The following KHDC1L variants were observed in gnomAD, a reference collection of about 807,000 sequenced individuals.
KHDC1L encodes the protein KHDC1-like protein.
Under a neutral mutation model 11.2 loss-of-function variants are expected in KHDC1L, and 5 were observed. That is an observed-to-expected ratio of 0.45 (90% CI 0.23 to 0.94). The LOEUF (loss-of-function observed/expected upper bound fraction) is 0.94. KHDC1L is among the 40% of genes least tolerant of loss of function. The probability of loss-of-function intolerance (pLI) is 0.22; values close to 1 mark genes in which losing one functional copy is unlikely to be tolerated. For missense variants in KHDC1L, 168 were observed against 165.8 expected, an observed-to-expected ratio of 1.01 and a Z score of -0.07; for synonymous variants, 66 against 62.7, an observed-to-expected ratio of 1.05 and a Z score of -0.25.
intron 1 of KHDC1L, among the ~76,000 whole-genome samples, chr6:73,224,642 G>A (rs772357597): frequency 9.2e-5 from 14 of 151,814 alleles, no homozygotes; most frequent in Admixed American, 6.6e-5. Context: ...CGGGCGTGGT[G>A]GCAGGCGCCT....
chr6:73,225,226 G>T, intron 1 of KHDC1L, 71 bp downstream of exon 1: 1 of 1,385,618 alleles, frequency 7.2e-7, no homozygotes, highest in Non-Finnish European at 9.9e-7. Flanking sequence ...AAGATCACGA[G>T]CGAGAATCTG....
At chr6:73,223,927 G>A in intron 2 of KHDC1L, 88 bp from the exon 3 acceptor site, 5 of 1,186,578 alleles carry the variant, frequency 4.2e-6, no homozygotes, top group Non-Finnish European at 6.1e-6. Context: ...AGGTTCCAGA[G>A]AGGATGTCAC....
At chr6:73,224,019 G>A (rs1193380747) in intron 2 of KHDC1L, 147 bp downstream of exon 2, 2 of 1,066,526 alleles carry the variant, frequency 1.9e-6, no homozygotes, top group African/African-American at 3.2e-5. Context: ...CCACAAAAAT[G>A]AGCCCTTCCC....
rs1243450698 is a variant in KHDC1L, at chr6:73,224,985, A to G, written c.112+312T>C. Among the ~76,000 whole-genome samples the G allele has an allele frequency of 2.1e-5, 3 of 140,474 alleles. No individual in the cohort carries two copies. The East Asian group carries it at 6.7e-4, about 31-fold the overall frequency. The allele number at this position is 140,474 out of a possible 152,430, so 92.2% of individuals were successfully genotyped here. On this transcript the variant is annotated intron_variant, in intron 1 of 2. Transcript: ENST00000370388. The stretch of plus-strand genomic sequence containing the variant: ...GTAGTCCCAGCTGTTCTGGAGGCTG[A>G]GGTGAGAGAATGGCGTGAACCCGGG...
Position 73,223,914 on chromosome 6 carries a change from G to T in KHDC1L, c.296-75C>A, listed in dbSNP as rs1009065145. On this transcript the variant is annotated intron_variant, in intron 2 of 2. Transcript: ENST00000370388. ...CCCTTAGTAGGCCCAGACTCCACCA[G>T]GAAGGTTCCAGAGAGGATGTCACCC... 3.9e-6 allele frequency: 5 copies of T among 1,287,268 alleles called. No homozygotes were observed. The African/African-American group carries it at 5.9e-5, about 15-fold the overall frequency. The allele number at this position is 1,287,268 out of a possible 1,614,324, so 79.7% of individuals were successfully genotyped here.
Position 73,223,753 on chromosome 6 carries a change from C to T in KHDC1L, c.382G>A (p.Asp128Asn), listed in dbSNP as rs142600886. Residue 128 changes from aspartate (D) to asparagine (N), a missense_variant, in exon 3 of 3, where the codon GAC becomes AAC. Asp to Asn is a conservative substitution (Grantham distance 23). Transcript: ENST00000370388. ...TSVSLPPYTG[D>N] is the part of the protein sequence containing the mutation. ...TCCCCTCTTCCCAGGGGAGATCAGT[C>T]TCCGGTGTACGGTGGCAGGCTAACG... is the stretch of plus-strand genomic sequence containing the variant. The T allele has an allele frequency of 1.7e-4, 268 of 1,604,650 alleles. 1 individual carries two copies. The African/African-American group carries it at 3.0e-3, about 18-fold the overall frequency.
Position 73,225,459 on chromosome 6 carries a change from G to A in KHDC1L, c.-51C>T, listed in dbSNP as rs1296236601. On this transcript the variant is annotated 5_prime_UTR_variant, in exon 1 of 3. Transcript: ENST00000370388. ...AGGGGAAAGTCTAACAAACTGGTTG[G>A]CAAAAGACTTGGAAAAGCGAGGAAG... is the stretch of plus-strand genomic sequence containing the variant. 1 of 1,402,228 alleles carries A rather than the reference G, an allele frequency of 7.1e-7. No individual in the cohort carries two copies. Among genetic ancestry groups the A allele is most frequent in the Non-Finnish European group, 1.0e-6 (1 of 991,836 alleles). 86.9% of individuals were successfully genotyped at this position (1,402,228 alleles called of 1,614,324 possible). A position where few individuals can be genotyped will look rare whatever the true frequency, so the allele number is the denominator to read the frequency against.
chr6:73,225,255 A>C, intron 1 of KHDC1L, 42 bp downstream of exon 1: 1 of 1,562,672 alleles, frequency 6.4e-7, no homozygotes, highest in Non-Finnish European at 8.7e-7. Flanking sequence ...AAATAAAAAT[A>C]AAAAACAGAT....
Position 73,224,279 on chromosome 6 carries a change from A to G in KHDC1L, c.182T>C (p.Phe61Ser). ...SHTLIQLERC[F>S]TATGQTRVTV... is the part of the protein sequence containing the mutation. ...CACACGTGTCTGGCCTGTAGCTGTG[A>G]AACACCTCTCCAGCTGAATAAGGGT... Residue 61 changes from phenylalanine to serine, a missense_variant, in exon 2 of 3, where the codon TTC becomes TCC. Transcript: ENST00000370388. 8 of 1,598,130 alleles carry G rather than the reference A, an allele frequency of 5.0e-6. No individual in the cohort carries two copies. The highest frequency in any genetic ancestry group is 6.8e-6 in the Non-Finnish European group (8 of 1,171,772).
intron 1 of KHDC1L, among the ~76,000 whole-genome samples, chr6:73,224,695 G>C (rs1766326939): frequency 6.9e-6 from 1 of 144,984 alleles, no homozygotes; most frequent in Non-Finnish European, 1.5e-5. Context: ...AGAATGGCGT[G>C]AACCCGGGAG....
In KHDC1L at chr6:73,224,308, G is replaced by T; in HGVS notation, c.153C>A (p.Ser51Arg). 6.3e-7 allele frequency: 1 copy of T among 1,598,170 alleles called. No individual in the cohort carries two copies. The highest frequency in any genetic ancestry group is 8.5e-7 in the Non-Finnish European group (1 of 1,171,770). ...ACCTCTCCAGCTGAATAAGGGTGTGGCTGTGCAGCTCAATGCAGCGAAGGT... is the reference window on the plus strand; with the variant it reads ...ACCTCTCCAGCTGAATAAGGGTGTGTCTGTGCAGCTCAATGCAGCGAAGGT... Reference protein sequence around the residue: ...DTYLRCIELHSHTLIQLERCF... With the variant: ...DTYLRCIELHRHTLIQLERCF... The change falls in exon 2 of 3, where the codon AGC becomes AGA. Residue 51 changes from serine (S) to arginine (R), a missense_variant. Coordinates refer to ENST00000370388, the MANE Select transcript of KHDC1L (RefSeq NM_001126063.3).
In KHDC1L at chr6:73,224,343, C is replaced by A; in HGVS notation, c.118G>T (p.Asp40Tyr). ...EDQEELIFGL[D>Y]DTYLRCIELH... ...TCAATGCAGCGAAGGTACGTGTCAT[C>A]AAGTCCTGTAAGCACAAGAAGTGAG... The change falls in exon 2 of 3, where the codon GAT (aspartate) becomes TAT (tyrosine). Residue 40 changes from aspartate to tyrosine, a missense_variant. Coordinates refer to ENST00000370388, the MANE Select transcript of KHDC1L (RefSeq NM_001126063.3). 1 of 1,570,162 alleles carries A rather than the reference C, an allele frequency of 6.4e-7. No homozygotes were observed. Among genetic ancestry groups the A allele is most frequent in the Non-Finnish European group, 8.6e-7 (1 of 1,156,070 alleles).
At chr6:73,224,821 C>T (rs1394316756) in intron 1 of KHDC1L, among the ~76,000 whole-genome samples, 1 of 147,132 alleles carries the variant, frequency 6.8e-6, no homozygotes, top group Non-Finnish European at 1.5e-5. Flanking sequence ...GTGGCTCACA[C>T]TTGTATTCCC....
chr6:73,223,560 C>G lies in KHDC1L; in HGVS notation c.*188G>C, dbSNP rs1183958689. 1.8e-6 allele frequency: 1 copy of G among 555,896 alleles called. No individual in the cohort carries two copies. Among genetic ancestry groups the G allele is most frequent in the Admixed American group, 3.1e-5 (1 of 32,496 alleles). 34.4% of individuals were successfully genotyped at this position (555,896 alleles called of 1,614,324 possible). On this transcript the variant is annotated 3_prime_UTR_variant, in exon 3 of 3. Coordinates refer to ENST00000370388, the MANE Select transcript of KHDC1L (RefSeq NM_001126063.3). ...ATCGAAGGCTTTGCATCATAGGTAGCTTATTTTATTGGATTGCTTTGCCAA... is the reference window on the plus strand; with the variant it reads ...ATCGAAGGCTTTGCATCATAGGTAGGTTATTTTATTGGATTGCTTTGCCAA...
chr6:73,224,639 G>A (rs1017466518), intron 1 of KHDC1L, among the ~76,000 whole-genome samples: 1 of 151,870 alleles, frequency 6.6e-6, no homozygotes. Flanking sequence ...AGCCGGGCGT[G>A]GTGGCAGGCG....
chr6:73,224,047 G>C, intron 2 of KHDC1L, 119 bp downstream of exon 2: 1 of 1,255,410 alleles, frequency 8.0e-7, no homozygotes, highest in East Asian at 2.6e-5. Context: ...TGGACTCTGG[G>C]AAGCACCTGG....
At chr6:73,224,603 C>T (rs1248528028) in intron 1 of KHDC1L, among the ~76,000 whole-genome samples, 1 of 151,780 alleles carries the variant, frequency 6.6e-6, no homozygotes, top group African/African-American at 2.4e-5. Context: ...GGTGAAACCC[C>T]GTCTCTACTA....
At position 73,224,286 on chromosome 6, in the gene KHDC1L, T is replaced by G; in HGVS notation, c.175A>C (p.Arg59=). The G allele has an allele frequency of 6.3e-7, 1 of 1,598,640 alleles. No homozygotes were observed. Among genetic ancestry groups the G allele is most frequent in the Non-Finnish European group, 8.5e-7 (1 of 1,172,070 alleles). ...GTCTGGCCTGTAGCTGTGAAACACCTCTCCAGCTGAATAAGGGTGTGGCTG... is the reference window on the plus strand; with the variant it reads ...GTCTGGCCTGTAGCTGTGAAACACCGCTCCAGCTGAATAAGGGTGTGGCTG... ...LHSHTLIQLE[R]CFTATGQTRV... is the part of the protein sequence containing the mutation. Residue 59 remains arginine (R), a synonymous_variant, in exon 2 of 3, where the codon AGG becomes CGG. Transcript: ENST00000370388.
intron 1 of KHDC1L, 30 bp downstream of exon 1, chr6:73,225,267 A>G (rs1766341619): frequency 6.3e-7 from 1 of 1,590,656 alleles, no homozygotes; most frequent in Non-Finnish European, 8.6e-7. Context: ...AAAACAGATG[A>G]AGGAGGGGAC....
Sources: allele counts gnomAD v4.1 joint callset (sites outside exome capture counted in the v4.1 genomes callset), GRCh38; gene constraint gnomAD v4.1.1; transcripts MANE v1.5; gene names NCBI Gene and HGNC (gene_info 2026-07-23, HGNC 2026-07-21).